CTSC: variants seen among roughly 807,000 people sequenced by gnomAD.
CTSC encodes the protein dipeptidyl peptidase 1.
In CTSC, 37 loss-of-function variants were observed where a neutral mutation model predicts 40.9. That is an observed-to-expected ratio of 0.91 (90% CI 0.70 to 1.19). CTSC has a LOEUF of 1.19. CTSC is among the 50% of genes most tolerant of loss of function. The pLI is 0.00. For missense variants in CTSC, 594 were observed against 567.3 expected (o/e 1.05, Z -0.48); for synonymous variants, 232 against 207.4 (o/e 1.12, Z -1.02).
At chr11:88,298,296 A>G (rs1397976991) in intron 5 of CTSC, 1 of 152,218 alleles carries the variant, frequency 6.6e-6, no homozygotes. Context: ...TGGGAGAAGA[A>G]CAAAGAAAGC....
chr11:88,326,393 T>C (rs1938188753), intron 2 of CTSC: 4 of 1,614,078 alleles, frequency 2.5e-6, no homozygotes, highest in Non-Finnish European at 3.4e-6. Context: ...CCAACGTCTG[T>C]TCATGGCTGT....
At chr11:88,305,051 T>C (rs906479434) in intron 4 of CTSC, among the ~76,000 whole-genome samples, 6 of 151,822 alleles carry the variant, frequency 4.0e-5, no homozygotes, top group South Asian at 4.2e-4. Flanking sequence ...TGAGCCAAGA[T>C]TGCTTTACCG....
Position 88,337,714 on chromosome 11 carries a change from G to C in CTSC, c.-42C>G. The C allele has an allele frequency of 6.5e-7, 1 of 1,549,720 alleles. No homozygotes were observed. Among genetic ancestry groups the C allele is most frequent in the Non-Finnish European group, 8.7e-7 (1 of 1,146,378 alleles). The stretch of plus-strand genomic sequence containing the variant: ...AAAAGAGGTGAAGAATTACCAGGAA[G>C]CCGAGCGCTGCGGGCTAGCGGTGAG... On this transcript the variant is annotated 5_prime_UTR_variant, in exon 1 of 7. Coordinates refer to ENST00000227266, the MANE Select transcript of CTSC (RefSeq NM_001814.6).
In CTSC at chr11:88,318,497, T is replaced by A. The variant is rs117444680; in HGVS notation, c.319-5943A>T. Among the ~76,000 whole-genome samples the A allele has an allele frequency of 1.1e-3, 171 of 152,354 alleles. 1 individual carries two copies. The highest frequency in any genetic ancestry group is 2.1e-3 in the Non-Finnish European group (144 of 68,030). On this transcript the variant is annotated intron_variant, in intron 2 of 6. Coordinates refer to ENST00000227266, the MANE Select transcript of CTSC (RefSeq NM_001814.6). ...CATCCATGCCTTCATAGAACTTATA[T>A]TCTATCCAAAACTGCCAACTGGGCA... is the stretch of plus-strand genomic sequence containing the variant.
chr11:88,318,731 C>T (rs1261439560), intron 2 of CTSC, among the ~76,000 whole-genome samples: 2 of 152,120 alleles, frequency 1.3e-5, no homozygotes, highest in East Asian at 1.9e-4. Flanking sequence ...CATGGTGAAA[C>T]CTTGTCTCTA....
intron 2 of CTSC, among the ~76,000 whole-genome samples, chr11:88,334,285 C>T (rs564231370): frequency 1.3e-5 from 2 of 152,282 alleles, no homozygotes; most frequent in South Asian, 4.1e-4. Context: ...GCAATTTGTG[C>T]TAAACTATTT....
intron 4 of CTSC, among the ~76,000 whole-genome samples, chr11:88,308,767 C>A (rs1296639139): frequency 2.0e-5 from 3 of 152,118 alleles, no homozygotes; most frequent in East Asian, 1.9e-4. Flanking sequence ...CTCCATCCCC[C>A]ACGTGGCATG....
chr11:88,324,773 G>A, intron 2 of CTSC: 1 of 985,292 alleles, frequency 1.0e-6, no homozygotes, highest in Non-Finnish European at 1.2e-6. Context: ...AGCTGGGGAG[G>A]GTTTCAGAGA....
chr11:88,308,859 G>A (rs989174267), intron 4 of CTSC, among the ~76,000 whole-genome samples: 2 of 152,168 alleles, frequency 1.3e-5, no homozygotes, highest in African/African-American at 4.8e-5. Flanking sequence ...GAACCCCTCA[G>A]GTGGTTACCG....
At chr11:88,303,568 G>A (rs1224983842) in intron 4 of CTSC, among the ~76,000 whole-genome samples, 1 of 152,128 alleles carries the variant, frequency 6.6e-6, no homozygotes, top group Non-Finnish European at 1.5e-5. Context: ...TGGGGGAAGG[G>A]GCACACAGCT....
At chr11:88,326,506 A>G in intron 2 of CTSC, 1 of 1,044,464 alleles carries the variant, frequency 9.6e-7, no homozygotes, top group East Asian at 2.4e-5. Flanking sequence ...TTAATATTTA[A>G]TCATATCAGT....
intron 2 of CTSC, among the ~76,000 whole-genome samples, chr11:88,332,925 T>C (rs1938400982): frequency 6.6e-6 from 1 of 152,240 alleles, no homozygotes; most frequent in Admixed American, 6.5e-5. Flanking sequence ...CAACTCATGG[T>C]TGGGAACACA....
At chr11:88,300,770 G>A (rs1944351415) in intron 4 of CTSC, 125 bp from the exon 5 acceptor site, 1 of 702,988 alleles carries the variant, frequency 1.4e-6, no homozygotes, top group Admixed American at 2.1e-5. Flanking sequence ...CAGACCCAGA[G>A]CACCTGTTTT....
intron 2 of CTSC, chr11:88,324,472 C>T (rs1938121716): frequency 1.0e-6 from 1 of 981,240 alleles, no homozygotes; most frequent in Non-Finnish European, 1.2e-6. Context: ...GTATATGGCA[C>T]CATTCCTGAT....
At chr11:88,321,112 A>T (rs1937996051) in intron 2 of CTSC, 1 of 807,928 alleles carries the variant, frequency 1.2e-6, no homozygotes, top group Admixed American at 6.2e-5. Flanking sequence ...AGTAATTTTT[A>T]AAATTCCATA....
At chr11:88,314,448 A>G (rs1025592102) in intron 2 of CTSC, among the ~76,000 whole-genome samples, 1 of 152,110 alleles carries the variant, frequency 6.6e-6, no homozygotes, top group African/African-American at 2.4e-5. Context: ...GGGAATCACC[A>G]CTCACTGTGT....
At chr11:88,335,755 G>A (rs779943208) in intron 1 of CTSC, among the ~76,000 whole-genome samples, 13 of 152,186 alleles carry the variant, frequency 8.5e-5, no homozygotes, top group African/African-American at 1.4e-4. Context: ...CTAGTCAAAA[G>A]TGGGAAATGC....
intron 4 of CTSC, among the ~76,000 whole-genome samples, chr11:88,303,084 A>T (rs1266704115): frequency 6.6e-6 from 1 of 152,244 alleles, no homozygotes; most frequent in Non-Finnish European, 1.5e-5. Flanking sequence ...CTTTGAATGG[A>T]AATAGTTTCT....
chr11:88,314,540 T>G (rs1207427766), intron 2 of CTSC, among the ~76,000 whole-genome samples: 2 of 152,150 alleles, frequency 1.3e-5, no homozygotes, highest in Admixed American at 1.3e-4. Flanking sequence ...GATATTCTCT[T>G]TTTTTCAGAC....
Sources: allele counts gnomAD v4.1 joint callset (sites outside exome capture counted in the v4.1 genomes callset), GRCh38; gene constraint gnomAD v4.1.1; transcripts MANE v1.5; gene names NCBI Gene and HGNC (gene_info 2026-07-23, HGNC 2026-07-21).